The following CNTN4 variants were observed in gnomAD, a reference collection of about 807,000 sequenced individuals.
The protein encoded by CNTN4 is contactin-4.
A neutral mutation model predicts 122.5 loss-of-function variants in CNTN4; 77 were observed. The ratio of observed to expected loss-of-function variants is 0.63; its 90% confidence interval spans 0.52 to 0.76. CNTN4 has a LOEUF of 0.76. CNTN4 is among the 30% of genes least tolerant of loss of function. CNTN4 has a pLI of 0.00. For missense variants in CNTN4, 1,256 were observed against 1,259.1 expected, an observed-to-expected ratio of 1.00 and a Z score of 0.04; for synonymous variants, 512 against 447.0, an observed-to-expected ratio of 1.15 and a Z score of -1.83.
intron 4 of CNTN4, among the ~76,000 whole-genome samples, chr3:2,705,265 A>G (rs1236520119): frequency 6.8e-6 from 1 of 147,552 alleles, no homozygotes; most frequent in Admixed American, 6.9e-5. Context: ...CTACTCGGGA[A>G]GCTGAGGCAG....
intron 3 of CNTN4, among the ~76,000 whole-genome samples, chr3:2,530,052 C>T (rs891721051): frequency 6.6e-6 from 1 of 152,124 alleles, no homozygotes; most frequent in African/African-American, 2.4e-5. Flanking sequence ...CACTTCCTCC[C>T]TGGCAGTGGA....
At chr3:2,592,369 G>T (rs1372604166) in intron 4 of CNTN4, among the ~76,000 whole-genome samples, 1 of 152,192 alleles carries the variant, frequency 6.6e-6, no homozygotes, top group Non-Finnish European at 1.5e-5. Context: ...AATTCAAAGT[G>T]TTTAAGTTTT....
intron 3 of CNTN4, among the ~76,000 whole-genome samples, chr3:2,530,191 T>G (rs1185234310): frequency 2.0e-5 from 3 of 152,104 alleles, no homozygotes; most frequent in Non-Finnish European, 4.4e-5. Context: ...ATGCATTACT[T>G]AGAATTCAGC....
intron 4 of CNTN4, among the ~76,000 whole-genome samples, chr3:2,682,137 T>G (rs1265359161): frequency 6.6e-6 from 1 of 152,200 alleles, no homozygotes; most frequent in Non-Finnish European, 1.5e-5. Flanking sequence ...AAAGTACAAG[T>G]TAAAGAACAT....
At position 3,034,766 on chromosome 3, in the gene CNTN4, G is replaced by C; in HGVS notation, c.1918G>C (p.Val640Leu). The C allele has an allele frequency of 6.2e-7, 1 of 1,614,066 alleles. No individual in the cohort carries two copies. Among genetic ancestry groups the C allele is most frequent in the Non-Finnish European group, 8.5e-7 (1 of 1,179,996 alleles). The change falls in exon 17 of 25, where the codon GTG becomes CTG. Residue 640 changes from valine to leucine, a missense_variant. Physicochemically the swap from Val to Leu is conservative, Grantham distance 32. Coordinates refer to ENST00000418658, the MANE Select transcript of CNTN4 (RefSeq NM_175607.3). Reference sequence around the variant, plus strand: ...CATTCAAGCCAGGACTCCATTCTCCGTGGGCTGGCAAGCAGTCAGTACAGG... The same window carrying C: ...CATTCAAGCCAGGACTCCATTCTCCCTGGGCTGGCAAGCAGTCAGTACAGG... ...YVIQARTPFS[V>L]GWQAVSTVPE...
chr3:2,971,372 A>ATC (rs1559736015), intron 13 of CNTN4, among the ~76,000 whole-genome samples: 2 of 151,498 alleles, frequency 1.3e-5, no homozygotes, highest in African/African-American at 4.9e-5. Flanking sequence ...ATCTATCTAT[A>ATC]TATATATATA....
chr3:2,562,436 G>A (rs1285154246), intron 3 of CNTN4, among the ~76,000 whole-genome samples: 1 of 152,018 alleles, frequency 6.6e-6, no homozygotes, highest in African/African-American at 2.4e-5. Flanking sequence ...TTATGTCCCT[G>A]GATATGCAAT....
intron 4 of CNTN4, among the ~76,000 whole-genome samples, chr3:2,632,292 C>G (rs2082478020): frequency 1.3e-5 from 2 of 152,064 alleles, no homozygotes; most frequent in African/African-American, 2.4e-5. Flanking sequence ...TTTTCAAAAC[C>G]TTTTAGGTAA....
chr3:2,728,498 C>T (rs564806097), intron 4 of CNTN4, among the ~76,000 whole-genome samples: 16 of 152,270 alleles, frequency 1.1e-4, no homozygotes, highest in African/African-American at 3.9e-4. Flanking sequence ...TGAGAGCACA[C>T]CCAACAACCC....
chr3:2,116,410 G>A (rs1180871830), intron 2 of CNTN4, among the ~76,000 whole-genome samples: 1 of 152,062 alleles, frequency 6.6e-6, no homozygotes, highest in Non-Finnish European at 1.5e-5. Context: ...GCTACAAAAT[G>A]TCATCCTCAG....
intron 12 of CNTN4, 45 bp downstream of exon 12, chr3:2,903,050 A>C (rs372570583): frequency 6.3e-7 from 1 of 1,582,236 alleles, no homozygotes; most frequent in South Asian, 1.1e-5. Flanking sequence ...AACTCTTTAG[A>C]TCACTAAACT....
At chr3:2,252,332 A>G (rs2040410024) in intron 2 of CNTN4, among the ~76,000 whole-genome samples, 1 of 151,968 alleles carries the variant, frequency 6.6e-6, no homozygotes, top group Non-Finnish European at 1.5e-5. Context: ...CACCTTTATT[A>G]CATTTTTATG....
rs1491404729 is a variant in CNTN4 at position 2,275,936 on chromosome 3, AAC to A, written c.-144-63240_-144-63239del. On this transcript the variant is annotated intron_variant, in intron 2 of 24. Transcript: ENST00000418658. ...CTCTGTCTCAAAAAAAAAAAAAAAA[AAC>A]AAAAAAAAATATTAAATCTTGATTT... Among the ~76,000 whole-genome samples, 375 of 40,932 alleles carry A rather than the reference AAC, an allele frequency of 9.2e-3. 1 individual carries two copies. The highest frequency in any genetic ancestry group is 0.015 in the Non-Finnish European group (248 of 16,074). 26.9% of individuals were successfully genotyped at this position (40,932 alleles called of 152,430 possible).
chr3:2,830,328 G>T (rs2093076814), intron 7 of CNTN4, among the ~76,000 whole-genome samples: 1 of 152,186 alleles, frequency 6.6e-6, no homozygotes, highest in Admixed American at 6.5e-5. Flanking sequence ...CTCCAGGTTT[G>T]ATCCTTAGAA....
At chr3:2,798,366 A>ATCCATCTACCT (rs57013365) in intron 6 of CNTN4, among the ~76,000 whole-genome samples, 6 of 135,374 alleles carry the variant, frequency 4.4e-5, no homozygotes, top group Admixed American at 7.9e-5. Context: ...TACACACATA[A>ATCCATCTACCT]ATCTATCTAT....
intron 2 of CNTN4, among the ~76,000 whole-genome samples, chr3:2,293,743 A>G (rs926212923): frequency 2.6e-4 from 40 of 152,214 alleles, no homozygotes; most frequent in Non-Finnish European, 3.1e-4. Context: ...TATTGATAGA[A>G]TATTAATTTT....
At chr3:2,593,033 C>T (rs1289381832) in intron 4 of CNTN4, among the ~76,000 whole-genome samples, 1 of 152,164 alleles carries the variant, frequency 6.6e-6, no homozygotes, top group East Asian at 1.9e-4. Context: ...TCTTTACCAG[C>T]CCTACCTAAT....
intron 2 of CNTN4, among the ~76,000 whole-genome samples, chr3:2,231,938 A>T (rs184698610): frequency 4.6e-5 from 7 of 152,272 alleles, no homozygotes; most frequent in South Asian, 2.1e-4. Context: ...TGAAATTAAC[A>T]TATAGGATTA....
chr3:2,735,126 A>G (rs1374191638), intron 4 of CNTN4, among the ~76,000 whole-genome samples: 1 of 152,216 alleles, frequency 6.6e-6, no homozygotes, highest in Non-Finnish European at 1.5e-5. Context: ...AAGGGAAAAT[A>G]AAGTGTACTC....
Sources: gnomAD v4.1 joint callset for allele counts (sites outside exome capture counted in the v4.1 genomes callset) on GRCh38, gnomAD v4.1.1 for gene constraint, MANE v1.5 for transcripts, NCBI Gene and HGNC (gene_info 2026-07-23, HGNC 2026-07-21) for gene names.